Variants in SETBP1 observed in about 807,000 individuals in gnomAD.
SETBP1 encodes the protein SET binding protein 1, also known as SET-binding protein.
Under a neutral mutation model 101.0 loss-of-function variants are expected in SETBP1, and 9 were observed. The observed-to-expected ratio is 0.09, with a 90% CI of 0.05 to 0.16. The LOEUF is 0.16. SETBP1 is among the 10% of genes least tolerant of loss of function. The pLI is 1.00. For synonymous variants in SETBP1, 818 were observed against 788.5 expected, an observed-to-expected ratio of 1.04 and a Z score of -0.63; for missense variants, 1,858 against 2,033.8, an observed-to-expected ratio of 0.91 and a Z score of 1.66.
At chr18:44,882,415 T>TA (rs2069550229) in intron 3 of SETBP1, among the ~76,000 whole-genome samples, 1 of 152,056 alleles carries the variant, frequency 6.6e-6, no homozygotes, top group Non-Finnish European at 1.5e-5. Flanking sequence ...TGATTCCACT[T>TA]ATGCTCAGCT....
chr18:44,791,916 A>G (rs2071380439), intron 2 of SETBP1, among the ~76,000 whole-genome samples: 1 of 152,060 alleles, frequency 6.6e-6, no homozygotes. Context: ...CTTCTTCTTC[A>G]TGACCTCCTA....
chr18:45,023,819 A>G (rs914765458), intron 4 of SETBP1, among the ~76,000 whole-genome samples: 2 of 152,162 alleles, frequency 1.3e-5, no homozygotes, highest in Admixed American at 1.3e-4. Flanking sequence ...TAAGCATTTT[A>G]TTGGCATTAT....
chr18:44,776,688 T>G (rs1438973792), intron 2 of SETBP1, among the ~76,000 whole-genome samples: 1 of 152,138 alleles, frequency 6.6e-6, no homozygotes, highest in African/African-American at 2.4e-5. Context: ...CACAAAAAAA[T>G]AGTAAAGAAA....
intron 1 of SETBP1, among the ~76,000 whole-genome samples, chr18:44,695,055 A>G (rs1177358504): frequency 6.6e-6 from 1 of 152,204 alleles, no homozygotes; most frequent in Non-Finnish European, 1.5e-5. Flanking sequence ...CAGTGAAGTC[A>G]ATAAAGGCAA....
intron 4 of SETBP1, among the ~76,000 whole-genome samples, chr18:44,960,401 C>T (rs1366022724): frequency 6.6e-6 from 1 of 152,110 alleles, no homozygotes; most frequent in East Asian, 1.9e-4. Context: ...CACCCAGGAT[C>T]CTAGCTCACT....
chr18:44,952,980 C>A lies in SETBP1; in HGVS notation c.3640C>A (p.His1214Asn), dbSNP rs574942485. The change falls in exon 4 of 6, where the codon CAC becomes AAC. Residue 1214 changes from histidine (H) to asparagine (N), a missense_variant. Physicochemically the swap from His to Asn is moderately conservative, Grantham distance 68 (BLOSUM62 1). Coordinates refer to ENST00000649279, the MANE Select transcript of SETBP1 (RefSeq NM_015559.3). Reference protein sequence around the residue: ...NKHKEKQKHQHSEAGHKASKN... With the variant: ...NKHKEKQKHQNSEAGHKASKN... ...GCATAAGGAGAAACAGAAGCACCAG[C>A]ACAGCGAAGCCGGCCACAAAGCTTC... 1.2e-6 allele frequency: 2 copies of A among 1,614,154 alleles called. No individual in the cohort carries two copies. Among genetic ancestry groups the A allele is most frequent in the African/African-American group, 2.7e-5 (2 of 75,046 alleles).
rs370218399 is a variant in SETBP1, at chr18:45,038,586, G to A, written c.4102G>A (p.Asp1368Asn). Residue 1368 changes from aspartate to asparagine, a missense_variant, in exon 5 of 6, where the codon GAC (aspartate) becomes AAC (asparagine). By Grantham distance (23) the Asp-to-Asn change is conservative. Around this residue, in one of 12 missense-constraint regions of SETBP1, gnomAD observed 417 missense variants for 389.1 expected, o/e 1.07. Coordinates refer to ENST00000649279, the MANE Select transcript of SETBP1 (RefSeq NM_015559.3). ...GACCAGGAAGAAGCCAGCCGCAGTT[G>A]ACAGTGTTACAATTCCACCAGCCCC... ...MMTRKKPAAVDSVTIPPAPVL... is the reference protein window; with the variant it reads ...MMTRKKPAAVNSVTIPPAPVL... 154 of 1,614,046 alleles carry A rather than the reference G, an allele frequency of 9.5e-5. No homozygotes were observed. Among genetic ancestry groups the A allele is most frequent in the Non-Finnish European group, 1.3e-4 (153 of 1,180,036 alleles).
In SETBP1 at chr18:44,950,370, A is replaced by G. The variant is rs1193376750; in HGVS notation, c.1030A>G (p.Ser344Gly). Residue 344 changes from serine to glycine, a missense_variant, in exon 4 of 6, where the codon AGT becomes GGT. By Grantham distance (56) the Ser-to-Gly change is moderately conservative (BLOSUM62 0). Transcript: ENST00000649279. ...AAAGTCCAGTAAAAAAGATGTGATA[A>G]GTCAGACCATACCAAACCCAGACCT... ...KKKSSKKDVI[S>G]QTIPNPDLDW... The G allele has an allele frequency of 1.2e-6, 2 of 1,613,992 alleles. No individual in the cohort carries two copies. Among genetic ancestry groups the G allele is most frequent in the Admixed American group, 3.3e-5 (2 of 60,006 alleles).
chr18:44,895,266 G>A (rs1599288966), intron 3 of SETBP1, among the ~76,000 whole-genome samples: 1 of 80,824 alleles, frequency 1.2e-5, no homozygotes, highest in Non-Finnish European at 2.6e-5. Flanking sequence ...GGAAGGAAGG[G>A]GGGAGGGAGG....
chr18:44,909,711 T>C (rs1340279016), intron 3 of SETBP1, among the ~76,000 whole-genome samples: 1 of 152,234 alleles, frequency 6.6e-6, no homozygotes, highest in Admixed American at 6.5e-5. Context: ...ATTATTATCC[T>C]GATTCTACAG....
intron 2 of SETBP1, among the ~76,000 whole-genome samples, chr18:44,730,174 G>A (rs925006088): frequency 6.6e-6 from 1 of 152,178 alleles, no homozygotes; most frequent in Non-Finnish European, 1.5e-5. Context: ...GCTTTATTCT[G>A]TTTGGTTCTG....
At chr18:44,848,911 A>T (rs2072788581) in intron 2 of SETBP1, among the ~76,000 whole-genome samples, 1 of 152,224 alleles carries the variant, frequency 6.6e-6, no homozygotes, top group African/African-American at 2.4e-5. Flanking sequence ...AGTATTACTA[A>T]CAGAATAGCT....
At chr18:44,698,093 T>C (rs1360854353) in intron 1 of SETBP1, among the ~76,000 whole-genome samples, 1 of 152,218 alleles carries the variant, frequency 6.6e-6, no homozygotes, top group African/African-American at 2.4e-5. Context: ...GTATGAAAAG[T>C]CTGGAATAGA....
chr18:44,770,707 A>C (rs2070854099), intron 2 of SETBP1, among the ~76,000 whole-genome samples: 1 of 152,240 alleles, frequency 6.6e-6, no homozygotes, highest in African/African-American at 2.4e-5. Flanking sequence ...GGTGATAACT[A>C]TACAGATGTC....
chr18:44,877,327 G>T, intron 3 of SETBP1: 3 of 814,538 alleles, frequency 3.7e-6, no homozygotes, highest in Middle Eastern at 6.1e-4. Flanking sequence ...CAAAGTATCT[G>T]GTCCTTCATC....
chr18:45,036,450 A>T lies in SETBP1; in HGVS notation c.4001-2035A>T, dbSNP rs2073400959. ...ATTTGGATGTGTCGCTTTACAAATG[A>T]TTTTGAATGAATTTTAAATATGTCT... On this transcript the variant is annotated intron_variant, in intron 4 of 5. Transcript: ENST00000649279. Among the ~76,000 whole-genome samples the T allele has an allele frequency of 2.6e-5, 4 of 152,096 alleles. No homozygotes were observed. The South Asian group carries it at 8.3e-4, about 32-fold the overall frequency.
intron 3 of SETBP1, among the ~76,000 whole-genome samples, chr18:44,935,328 A>G (rs1385950979): frequency 6.6e-6 from 1 of 152,250 alleles, no homozygotes; most frequent in Non-Finnish European, 1.5e-5. Flanking sequence ...AGTAAAAAGC[A>G]TTAATATAAA....
At chr18:44,778,712 C>T (rs2071058873) in intron 2 of SETBP1, among the ~76,000 whole-genome samples, 1 of 152,218 alleles carries the variant, frequency 6.6e-6, no homozygotes, top group African/African-American at 2.4e-5. Flanking sequence ...CTGTTCCTGT[C>T]TCTTTCAGCC....
At chr18:44,964,381 C>T (rs559209903) in intron 4 of SETBP1, among the ~76,000 whole-genome samples, 1 of 152,220 alleles carries the variant, frequency 6.6e-6, no homozygotes, top group South Asian at 2.1e-4. Flanking sequence ...GCCTGGGCAG[C>T]TCTAAATATG....
Sources: allele counts gnomAD v4.1 joint callset (sites outside exome capture counted in the v4.1 genomes callset), GRCh38; gene constraint gnomAD v4.1.1; regional missense constraint gnomAD v4.1.1; transcripts MANE v1.5; gene names NCBI Gene and HGNC (gene_info 2026-07-23, HGNC 2026-07-21).